The following COL6A5 variants were observed in gnomAD, a reference collection of about 807,000 sequenced individuals.
COL6A5 encodes collagen type VI alpha 5 chain, also known as collagen alpha-5(VI) chain.
A neutral mutation model predicts 65.6 loss-of-function variants in COL6A5; 48 were observed. The observed-to-expected ratio is 0.73, with a 90% CI of 0.58 to 0.93. The LOEUF (loss-of-function observed/expected upper bound fraction) is 0.93. COL6A5 is among the 40% of genes least tolerant of loss of function. The probability of loss-of-function intolerance (pLI) is 0.00; values close to 1 mark genes in which losing one functional copy is unlikely to be tolerated. For missense variants in COL6A5, 914 were observed against 928.3 expected, an observed-to-expected ratio of 0.98 and a Z score of 0.20; for synonymous variants, 291 against 322.8, an observed-to-expected ratio of 0.90 and a Z score of 1.05.
At chr3:130,405,037 A>G (rs900826875) in intron 13 of COL6A5, among the ~76,000 whole-genome samples, 3 of 152,212 alleles carry the variant, frequency 2.0e-5, no homozygotes, top group Non-Finnish European at 4.4e-5. Context: ...CACACAAATC[A>G]TTGACCTTCA....
chr3:130,367,545 A>T (rs1375542195), intron 1 of COL6A5, among the ~76,000 whole-genome samples: 1 of 152,232 alleles, frequency 6.6e-6, no homozygotes, highest in African/African-American at 2.4e-5. Context: ...TCTACTCTAA[A>T]GAAGTTTGCA....
intron 2 of COL6A5, 121 bp downstream of exon 34, chr3:130,439,736 T>C (rs1319823109): frequency 4.1e-6 from 3 of 727,204 alleles, no homozygotes; most frequent in Non-Finnish European, 4.6e-6. Context: ...TTCAGTTTTC[T>C]AGTTTTTCAA....
At chr3:130,373,345 C>T (rs1049085839) in intron 1 of COL6A5, among the ~76,000 whole-genome samples, 2 of 152,228 alleles carry the variant, frequency 1.3e-5, no homozygotes, top group Admixed American at 6.5e-5. Context: ...AGTAATTGTA[C>T]CTCCCTATAA....
In COL6A5 at chr3:130,389,466, T is replaced by G. The variant is rs1936317868; in HGVS notation, c.2416+332T>G. 2.6e-5 allele frequency among the ~76,000 whole-genome samples: 4 copies of G among 152,016 alleles called. No homozygotes were observed. The South Asian group carries it at 8.3e-4, about 32-fold the overall frequency. ...TTAATCCCAAATGATTTTCTAGAAT[T>G]GTTTCTTGGCTATCTATGACCATTG... is the stretch of plus-strand genomic sequence containing the variant. On this transcript the variant is annotated intron_variant and NMD_transcript_variant, in intron 6 of 41. Transcript: ENST00000312481.
Position 130,362,045 on chromosome 3 carries a change from T to C in COL6A5, c.-28-11566T>C, listed in dbSNP as rs149945925. Among the ~76,000 whole-genome samples the C allele has an allele frequency of 3.9e-3, 590 of 152,122 alleles. 2 individuals carry two copies. The highest frequency in any genetic ancestry group is 0.013 in the African/African-American group (540 of 41,542). On this transcript the variant is annotated intron_variant and NMD_transcript_variant, in intron 1 of 41. Transcript: ENST00000312481. ...TGTTGACAGTGCCCTTCATAAAGCATGACATTTTAATGTTAATGAAGTACA... is the reference window on the plus strand; with the variant it reads ...TGTTGACAGTGCCCTTCATAAAGCACGACATTTTAATGTTAATGAAGTACA...
At chr3:130,382,333 G>T (rs1936027102) in intron 4 of COL6A5, among the ~76,000 whole-genome samples, 1 of 152,098 alleles carries the variant, frequency 6.6e-6, no homozygotes, top group South Asian at 2.1e-4. Flanking sequence ...CCAGGCAAAG[G>T]AGTTGCCAGA....
chr3:130,366,983 A>G (rs1234433257), intron 1 of COL6A5, among the ~76,000 whole-genome samples: 2 of 152,328 alleles, frequency 1.3e-5, no homozygotes, highest in Admixed American at 6.5e-5. Flanking sequence ...TGGCTCCCCA[A>G]ATAGATTGTG....
exon 9 of COL6A5, chr3:130,397,611 TG>T: frequency 1.3e-6 from 2 of 1,551,174 alleles, no homozygotes; most frequent in Non-Finnish European, 8.7e-7. Context: ...TGGTTGGGTT[TG>T]ACATCTCCAC....
intron 24 of COL6A5, 131 bp from the exon 25 acceptor site, chr3:130,418,738 A>T (rs2107681988): frequency 1.4e-6 from 1 of 704,140 alleles, no homozygotes; most frequent in Non-Finnish European, 2.6e-6. Context: ...TGTGCCCTAC[A>T]CTCATCCCCT....
chr3:130,377,868 T>C (rs147438323), intron 3 of COL6A5, among the ~76,000 whole-genome samples: 44 of 152,284 alleles, frequency 2.9e-4, no homozygotes, highest in African/African-American at 9.1e-4. Flanking sequence ...GAGAAGGTCA[T>C]TCTTGGAGTT....
exon 6 of COL6A5, chr3:130,388,772 A>C: frequency 6.4e-7 from 1 of 1,551,360 alleles, no homozygotes; most frequent in Non-Finnish European, 8.7e-7. Context: ...CTTAATAGAT[A>C]TTTTACACAG....
chr3:130,385,881 T>A (rs1250505766), intron 5 of COL6A5, among the ~76,000 whole-genome samples: 1 of 152,054 alleles, frequency 6.6e-6, no homozygotes, highest in African/African-American at 2.4e-5. Context: ...TTGAGCACCA[T>A]AAATGCCAAC....
chr3:130,458,315 T>A (rs1414638605), intron 5 of COL6A5, among the ~76,000 whole-genome samples: 2 of 152,066 alleles, frequency 1.3e-5, no homozygotes, highest in African/African-American at 4.8e-5. Flanking sequence ...GGAGTGTGAA[T>A]GAGGAGGAGA....
At chr3:130,410,099 A>G (rs1231016299) in intron 19 of COL6A5, 25 bp downstream of exon 19, 2 of 1,484,880 alleles carry the variant, frequency 1.3e-6, no homozygotes, top group African/African-American at 1.4e-5. Context: ...TTTATCTATG[A>G]GTTGATTAAT....
intron 24 of COL6A5, among the ~76,000 whole-genome samples, chr3:130,418,459 C>A (rs762312253): frequency 3.9e-5 from 6 of 152,122 alleles, no homozygotes; most frequent in Non-Finnish European, 8.8e-5. Flanking sequence ...GCACCCTGAA[C>A]CTTATCTCAC....
chr3:130,455,758 T>C, intron 5 of COL6A5, 92 bp downstream of exon 37: 3 of 1,007,334 alleles, frequency 3.0e-6, no homozygotes, highest in Non-Finnish European at 4.4e-6. Flanking sequence ...TTAAGGCTGG[T>C]ATCTAAAGCA....
intron 5 of COL6A5, among the ~76,000 whole-genome samples, chr3:130,462,241 G>C (rs983691641): frequency 4.6e-5 from 7 of 152,092 alleles, no homozygotes; most frequent in African/African-American, 1.7e-4. Context: ...GACTTTACCA[G>C]ACAGGAAGGG....
intron 5 of COL6A5, among the ~76,000 whole-genome samples, chr3:130,387,081 A>G (rs2107648731): frequency 6.6e-6 from 1 of 152,202 alleles, no homozygotes; most frequent in South Asian, 2.1e-4. Context: ...CATAGCTTCC[A>G]TCTTTAGGTC....
At chr3:130,376,540 C>A in exon 3 of COL6A5, 1 of 1,605,752 alleles carries the variant, frequency 6.2e-7, no homozygotes, top group Non-Finnish European at 8.5e-7. Context: ...TACTTCTCTG[C>A]ACCCATAAAT....
Sources: allele counts gnomAD v4.1 joint callset (sites outside exome capture counted in the v4.1 genomes callset), GRCh38; gene constraint gnomAD v4.1.1; transcripts MANE v1.5; gene names NCBI Gene and HGNC (gene_info 2026-07-23, HGNC 2026-07-21).